PPP2R2A: variants seen among roughly 807,000 people sequenced by gnomAD.
PPP2R2A encodes protein phosphatase 2 regulatory subunit Balpha.
PPP2R2A carries 9 observed loss-of-function variants against 53.2 expected under a neutral mutation model. The observed-to-expected ratio is 0.17, with a 90% confidence interval of 0.10 to 0.30. The LOEUF is 0.30. Ranked by LOEUF, PPP2R2A falls within the 10% of genes least tolerant of loss-of-function variation. The probability of loss-of-function intolerance (pLI) is 1.00; values close to 1 mark genes in which losing one functional copy is unlikely to be tolerated. For missense variants in PPP2R2A, 235 were observed against 534.6 expected (o/e 0.44, Z 5.53); for synonymous variants, 169 against 174.2 (o/e 0.97, Z 0.23).
At position 26,362,573 on chromosome 8, in the gene PPP2R2A, T is replaced by C; in HGVS notation, c.638-111T>C. On this transcript the variant is annotated intron_variant, in intron 6 of 9. Coordinates refer to ENST00000380737, the MANE Select transcript of PPP2R2A (RefSeq NM_002717.4). The surrounding 1 kb of genome is among the most constrained non-coding windows in gnomAD (Gnocchi z 4.4). ...ACTCATAAAAACAGTGGAGTGCAATTCAGAATTAATATTTTTGCTTAGGTC... is the reference window on the plus strand; with the variant it reads ...ACTCATAAAAACAGTGGAGTGCAATCCAGAATTAATATTTTTGCTTAGGTC... 5.0e-6 allele frequency: 5 copies of C among 990,450 alleles called. No homozygotes were observed. In the South Asian group the frequency reaches 8.3e-5, roughly 16 times the overall value. The allele number at this position is 990,450 out of a possible 1,614,324, so 61.4% of individuals were successfully genotyped here.
chr8:26,341,719 T>C (rs1311015397), intron 3 of PPP2R2A, among the ~76,000 whole-genome samples: 4 of 152,208 alleles, frequency 2.6e-5, no homozygotes, highest in African/African-American at 9.6e-5. Context: ...ATTTGATCTA[T>C]TGTGGCTTTA....
At chr8:26,300,176 TCATG>T (rs1214599337) in intron 2 of PPP2R2A, among the ~76,000 whole-genome samples, 1 of 152,224 alleles carries the variant, frequency 6.6e-6, no homozygotes, top group Non-Finnish European at 1.5e-5. Flanking sequence ...TGACATTTTG[TCATG>T]TTATTAAAAT....
rs1802857386 is a variant in PPP2R2A at position 26,321,850 on chromosome 8, G to A, written c.83-17040G>A. Among the ~76,000 whole-genome samples, 1 of 152,210 alleles carries A rather than the reference G, an allele frequency of 6.6e-6. No homozygotes were observed. The highest frequency in any genetic ancestry group is 1.5e-5 in the Non-Finnish European group (1 of 68,022). On this transcript the variant is annotated intron_variant, in intron 2 of 9. Coordinates refer to ENST00000380737, the MANE Select transcript of PPP2R2A (RefSeq NM_002717.4). This position sits in a 1 kb window ranked among gnomAD's most constrained non-coding sequence, Gnocchi z 4.1. ...TGCTACCTTTGGGACAATTTTTAAGGCAGCAATAGAGAACTTATATAGGAA... is the reference window on the plus strand; with the variant it reads ...TGCTACCTTTGGGACAATTTTTAAGACAGCAATAGAGAACTTATATAGGAA...
chr8:26,337,232 C>T (rs1803710428), intron 2 of PPP2R2A, among the ~76,000 whole-genome samples: 1 of 152,058 alleles, frequency 6.6e-6, no homozygotes, highest in Non-Finnish European at 1.5e-5. Flanking sequence ...TTCAAATTAA[C>T]TAGTTCATTT....
At chr8:26,345,915 G>A (rs979533658) in intron 3 of PPP2R2A, among the ~76,000 whole-genome samples, 6 of 152,178 alleles carry the variant, frequency 3.9e-5, no homozygotes, top group South Asian at 4.1e-4. Context: ...TTTTTCTCAC[G>A]AGGCATTATG....
At chr8:26,298,329 T>A (rs1430155570) in intron 2 of PPP2R2A, among the ~76,000 whole-genome samples, 1 of 152,230 alleles carries the variant, frequency 6.6e-6, no homozygotes, top group Non-Finnish European at 1.5e-5. Flanking sequence ...TAAGAGCAGT[T>A]GTTCAACTCT....
chr8:26,323,053 A>G (rs561829998), intron 2 of PPP2R2A, among the ~76,000 whole-genome samples: 1 of 152,274 alleles, frequency 6.6e-6, no homozygotes, highest in African/African-American at 2.4e-5. Flanking sequence ...CCTACTCACT[A>G]GAAGTTCCTG....
intron 2 of PPP2R2A, among the ~76,000 whole-genome samples, chr8:26,337,502 T>C (rs1008484201): frequency 6.6e-6 from 1 of 152,252 alleles, no homozygotes; most frequent in East Asian, 1.9e-4. Context: ...GCAGGGACTT[T>C]GTATATTTTT....
chr8:26,296,814 A>G (rs1801561859), intron 2 of PPP2R2A, among the ~76,000 whole-genome samples: 1 of 152,188 alleles, frequency 6.6e-6, no homozygotes, highest in Non-Finnish European at 1.5e-5. Context: ...GCAGTCATGG[A>G]TTTATTTACT....
Position 26,354,560 on chromosome 8 carries a change from A to G in PPP2R2A, c.273A>G (p.Glu91=). 2 of 1,611,568 alleles carry G rather than the reference A, an allele frequency of 1.2e-6. No individual in the cohort carries two copies. Among genetic ancestry groups the G allele is most frequent in the Non-Finnish European group, 1.7e-6 (2 of 1,178,372 alleles). ...AGTTTGACTACTTGAAAAGTTTAGAAATAGAAGAAAAGATCAACAAAATTA... is the reference window on the plus strand; with the variant it reads ...AGTTTGACTACTTGAAAAGTTTAGAGATAGAAGAAAAGATCAACAAAATTA... ...EPEFDYLKSL[E]IEEKINKIRW... is the part of the protein sequence containing the mutation. The change falls in exon 4 of 10, where the codon GAA becomes GAG. Residue 91 remains glutamate, a synonymous_variant. Transcript: ENST00000380737. This position sits in a 1 kb window ranked among gnomAD's most constrained non-coding sequence, Gnocchi z 4.6.
rs923178193 is a variant in PPP2R2A, at chr8:26,371,010, A to AG, written c.*602dup. The AG allele has an allele frequency of 6.5e-6, 1 of 152,952 alleles. No homozygotes were observed. The highest frequency in any genetic ancestry group is 2.4e-5 in the African/African-American group (1 of 41,372). 9.5% of individuals were successfully genotyped at this position (152,952 alleles called of 1,614,324 possible). A position where few individuals can be genotyped will look rare whatever the true frequency, so the allele number is the denominator to read the frequency against. On this transcript the variant is annotated 3_prime_UTR_variant, in exon 10 of 10. Transcript: ENST00000380737. Reference sequence around the variant, plus strand: ...AGTCAGTTTGGGGTCAGTGGTATAAAGGGGGTATATGTTGCAAACAAATGT... The same window carrying AG: ...AGTCAGTTTGGGGTCAGTGGTATAAAGGGGGGTATATGTTGCAAACAAATGT...
chr8:26,315,840 A>G (rs1802529280), intron 2 of PPP2R2A, among the ~76,000 whole-genome samples: 1 of 152,200 alleles, frequency 6.6e-6, no homozygotes, highest in Non-Finnish European at 1.5e-5. Context: ...TAGAAGATAA[A>G]TGCGTGTTTT....
rs1805002418 is a variant in PPP2R2A, at chr8:26,360,089, T to C, written c.347-80T>C. On this transcript the variant is annotated intron_variant, in intron 4 of 9. Transcript: ENST00000380737. This position sits in a 1 kb window ranked among gnomAD's most constrained non-coding sequence, Gnocchi z 4.5. ...TTTCGTGGAATCCTTTTACGTGAAA[T>C]GTGAAATAGCATATTTTAAATGCCT... The C allele has an allele frequency of 4.4e-6, 3 of 689,456 alleles. No individual in the cohort carries two copies. The South Asian group carries it at 7.0e-5, about 16-fold the overall frequency. The allele number at this position is 689,456 out of a possible 1,614,324, so 42.7% of individuals were successfully genotyped here. A position where few individuals can be genotyped will look rare whatever the true frequency, so the allele number is the denominator to read the frequency against.
intron 2 of PPP2R2A, among the ~76,000 whole-genome samples, chr8:26,331,273 C>T (rs1034450447): frequency 5.9e-5 from 9 of 152,076 alleles, no homozygotes; most frequent in Admixed American, 3.9e-4. Flanking sequence ...ATTCATTGTC[C>T]GTTGTCTGAA....
intron 2 of PPP2R2A, among the ~76,000 whole-genome samples, chr8:26,332,650 G>A (rs1803446717): frequency 1.3e-5 from 2 of 152,134 alleles, no homozygotes; most frequent in Non-Finnish European, 2.9e-5. Flanking sequence ...ACATTAGGGG[G>A]TAGAATTTAG....
At chr8:26,365,670 T>C (rs1047236780) in intron 8 of PPP2R2A, 1 of 152,192 alleles carries the variant, frequency 6.6e-6, no homozygotes, top group African/African-American at 2.4e-5. Flanking sequence ...ATGAGATTTC[T>C]AGTTTATCCT....
intron 3 of PPP2R2A, among the ~76,000 whole-genome samples, chr8:26,349,994 G>T (rs1353319374): frequency 6.6e-6 from 1 of 152,146 alleles, no homozygotes; most frequent in Non-Finnish European, 1.5e-5. Context: ...CTTTGCCAGT[G>T]CTATGTGTTG....
chr8:26,363,930 T>A, intron 8 of PPP2R2A, 40 bp downstream of exon 8: 1 of 1,493,880 alleles, frequency 6.7e-7, no homozygotes, highest in East Asian at 2.3e-5. Flanking sequence ...ATACCCTGTT[T>A]ACTTTGAAGT....
intron 2 of PPP2R2A, among the ~76,000 whole-genome samples, chr8:26,311,592 C>T (rs1448046009): frequency 6.6e-6 from 1 of 152,112 alleles, no homozygotes; most frequent in Non-Finnish European, 1.5e-5. Context: ...GCACTTGAAG[C>T]CACGAGTTCA....
Sources: gnomAD v4.1 joint callset for allele counts (sites outside exome capture counted in the v4.1 genomes callset) on GRCh38, gnomAD v4.1.1 for gene constraint, Gnocchi (gnomAD v3.1) non-coding constraint, MANE v1.5 for transcripts, NCBI Gene and HGNC (gene_info 2026-07-23, HGNC 2026-07-21) for gene names.